LRRTM4: variants seen among roughly 807,000 people sequenced by gnomAD.
The protein encoded by LRRTM4 is leucine rich repeat transmembrane neuronal 4, also known as leucine-rich repeat transmembrane neuronal protein 4.
A neutral mutation model predicts 47.6 loss-of-function variants in LRRTM4; 25 were observed. The ratio of observed to expected loss-of-function variants is 0.53; its 90% CI spans 0.38 to 0.73. LRRTM4 has a LOEUF of 0.73. Ranked by LOEUF, LRRTM4 falls within the 30% of genes least tolerant of loss-of-function variation. LRRTM4 has a pLI of 0.00. For missense variants in LRRTM4, 638 were observed against 713.4 expected (o/e 0.89, Z 1.20); for synonymous variants, 311 against 269.5 (o/e 1.15, Z -1.51).
chr2:76,769,036 T>C (rs1673575466), intron 3 of LRRTM4, among the ~76,000 whole-genome samples: 1 of 152,166 alleles, frequency 6.6e-6, no homozygotes, highest in Non-Finnish European at 1.5e-5. Flanking sequence ...TGGCACAGTT[T>C]AAGAAATGAC....
chr2:76,970,455 T>A (rs1025086376), intron 3 of LRRTM4, among the ~76,000 whole-genome samples: 6 of 152,002 alleles, frequency 3.9e-5, no homozygotes, highest in African/African-American at 1.4e-4. Context: ...TTGATTCGTG[T>A]CCTTACTCTG....
intron 3 of LRRTM4, among the ~76,000 whole-genome samples, chr2:77,304,362 G>C (rs1289912510): frequency 6.6e-6 from 1 of 152,098 alleles, no homozygotes; most frequent in African/African-American, 2.4e-5. Flanking sequence ...TTTATCACAT[G>C]TATAGTTTGC....
intron 3 of LRRTM4, among the ~76,000 whole-genome samples, chr2:76,807,403 T>A: frequency 9.7e-6 from 1 of 102,792 alleles, no homozygotes; most frequent in African/African-American, 4.6e-5. Flanking sequence ...TATATATGTA[T>A]ATACGTATAT....
chr2:77,212,108 C>A (rs1674307823), intron 3 of LRRTM4, among the ~76,000 whole-genome samples: 1 of 151,774 alleles, frequency 6.6e-6, no homozygotes, highest in Non-Finnish European at 1.5e-5. Context: ...ATGTGGGAGA[C>A]TACTTAAATG....
intron 3 of LRRTM4, among the ~76,000 whole-genome samples, chr2:76,813,115 G>C (rs1670794068): frequency 6.6e-6 from 1 of 151,916 alleles, no homozygotes; most frequent in African/African-American, 2.4e-5. Context: ...AGTGAGCCAA[G>C]ATCACCCCAT....
intron 2 of LRRTM4, among the ~76,000 whole-genome samples, chr2:77,520,972 T>C (rs937668254): frequency 2.0e-5 from 3 of 152,178 alleles, no homozygotes; most frequent in Admixed American, 6.5e-5. Flanking sequence ...TTTAAATTTT[T>C]AACCAAGAGG....
intron 3 of LRRTM4, among the ~76,000 whole-genome samples, chr2:77,007,840 A>G (rs567459972): frequency 6.6e-6 from 1 of 152,222 alleles, no homozygotes; most frequent in Non-Finnish European, 1.5e-5. Flanking sequence ...TGCTGAGTAC[A>G]ACTCCATAAT....
chr2:77,212,171 G>C (rs1188005693), intron 3 of LRRTM4, among the ~76,000 whole-genome samples: 1 of 151,678 alleles, frequency 6.6e-6, no homozygotes, highest in African/African-American at 2.4e-5. Flanking sequence ...GACATATCTA[G>C]GTTTCGAATA....
Position 77,430,963 on chromosome 2 carries a change from CCT to C in LRRTM4, c.1551+87353_1551+87354del, listed in dbSNP as rs370844539. Among the ~76,000 whole-genome samples the C allele has an allele frequency of 4.2e-4, 62 of 148,688 alleles. 2 individuals are homozygous for C. In the East Asian group the frequency reaches 7.8e-3, roughly 19 times the overall value. Reference sequence around the variant, plus strand: ...TGCTCTGTTTTCTGGATCCAGGACACCTTTTCTTTCTCCAGCCATTGGACATC... The same window carrying C: ...TGCTCTGTTTTCTGGATCCAGGACACTTTCTTTCTCCAGCCATTGGACATC... On this transcript the variant is annotated intron_variant, in intron 3 of 3. Coordinates refer to ENST00000409884, the MANE Select transcript of LRRTM4 (RefSeq NM_001134745.3).
At chr2:77,186,528 G>A (rs1673510078) in intron 3 of LRRTM4, among the ~76,000 whole-genome samples, 1 of 152,004 alleles carries the variant, frequency 6.6e-6, no homozygotes, top group Non-Finnish European at 1.5e-5. Flanking sequence ...TAGTGAACTT[G>A]CCAATGTCCA....
At chr2:77,389,268 G>C (rs1410918135) in intron 3 of LRRTM4, among the ~76,000 whole-genome samples, 2 of 151,944 alleles carry the variant, frequency 1.3e-5, no homozygotes, top group African/African-American at 2.4e-5. Flanking sequence ...AATTAAAAGG[G>C]CTGAAAACTG....
At chr2:77,251,253 A>ACC (rs1553416470) in intron 3 of LRRTM4, among the ~76,000 whole-genome samples, 17 of 144,542 alleles carry the variant, frequency 1.2e-4, no homozygotes, top group Non-Finnish European at 2.3e-4. Flanking sequence ...GTGTGTGTAT[A>ACC]TATATATACA....
intron 3 of LRRTM4, among the ~76,000 whole-genome samples, chr2:77,314,098 A>G (rs572638729): frequency 2.0e-5 from 3 of 152,170 alleles, no homozygotes; most frequent in African/African-American, 7.2e-5. Context: ...AGATCATTGT[A>G]AGGAGCAAAC....
chr2:77,399,047 C>T (rs1236740684), intron 3 of LRRTM4, among the ~76,000 whole-genome samples: 1 of 151,604 alleles, frequency 6.6e-6, no homozygotes, highest in Non-Finnish European at 1.5e-5. Context: ...CTAGACTGGC[C>T]TTTATGTAAG....
intron 3 of LRRTM4, among the ~76,000 whole-genome samples, chr2:76,838,745 T>C (rs1267471677): frequency 2.0e-5 from 3 of 152,040 alleles, no homozygotes. Flanking sequence ...TTGGATGAAA[T>C]GATGCTCTCT....
intron 3 of LRRTM4, among the ~76,000 whole-genome samples, chr2:77,336,797 T>A (rs925441822): frequency 1.3e-5 from 2 of 152,082 alleles, no homozygotes; most frequent in Admixed American, 6.6e-5. Context: ...ATTCCCCTAA[T>A]GAGTGGAACA....
intron 3 of LRRTM4, among the ~76,000 whole-genome samples, chr2:76,872,037 T>C (rs1465981687): frequency 2.0e-5 from 3 of 152,206 alleles, no homozygotes; most frequent in Non-Finnish European, 4.4e-5. Flanking sequence ...AAGCCATGTC[T>C]GGTCTTCTAA....
rs536011026 is a variant in LRRTM4 at position 77,436,318 on chromosome 2, G to C, written c.1551+82000C>G. On this transcript the variant is annotated intron_variant, in intron 3 of 3. Transcript: ENST00000409884. ...TACCTTGAACGTCTAGCAATGCTAA[G>C]CTAATGATGGCTAGAATCCTAAATA... Among the ~76,000 whole-genome samples the C allele has an allele frequency of 8.5e-5, 13 of 152,168 alleles. No individual in the cohort carries two copies. The South Asian group carries it at 2.3e-3, about 27-fold the overall frequency.
chr2:77,348,667 T>C (rs1671654922), intron 3 of LRRTM4, among the ~76,000 whole-genome samples: 2 of 150,812 alleles, frequency 1.3e-5, no homozygotes, highest in African/African-American at 4.8e-5. Flanking sequence ...TGCTTATATA[T>C]AATCTTTAAA....
Sources: gnomAD v4.1 joint callset for allele counts (sites outside exome capture counted in the v4.1 genomes callset) on GRCh38, gnomAD v4.1.1 for gene constraint, MANE v1.5 for transcripts, NCBI Gene and HGNC (gene_info 2026-07-23, HGNC 2026-07-21) for gene names.